Variants in NCKAP5 observed in about 807,000 individuals in gnomAD.
The protein encoded by NCKAP5 is NCK associated protein 5.
A neutral mutation model predicts 167.0 loss-of-function variants in NCKAP5; 92 were observed. That is an observed-to-expected ratio of 0.55 (90% confidence interval 0.47 to 0.66). The LOEUF is 0.66. Ranked by LOEUF, NCKAP5 falls within the 30% of genes least tolerant of loss-of-function variation. The probability of loss-of-function intolerance (pLI) is 0.00; values close to 1 mark genes in which losing one functional copy is unlikely to be tolerated. For synonymous variants in NCKAP5, 891 were observed against 877.4 expected, an observed-to-expected ratio of 1.02 and a Z score of -0.27; for missense variants, 2,378 against 2,315.0, an observed-to-expected ratio of 1.03 and a Z score of -0.56.
intron 4 of NCKAP5, among the ~76,000 whole-genome samples, chr2:133,233,424 C>T (rs1420878237): frequency 1.3e-5 from 2 of 152,084 alleles, no homozygotes; most frequent in Non-Finnish European, 2.9e-5. Flanking sequence ...TGCTGACATA[C>T]ATACATATTG....
At chr2:132,831,140 T>C (rs564058247) in intron 11 of NCKAP5, among the ~76,000 whole-genome samples, 14 of 152,340 alleles carry the variant, frequency 9.2e-5, no homozygotes, top group African/African-American at 2.6e-4. Flanking sequence ...TTTACTCACT[T>C]TTCCCACCGC....
chr2:133,603,816 C>T, the NCKAP5 span, among the ~76,000 whole-genome samples: 2 of 152,284 alleles, frequency 1.3e-5, no homozygotes, highest in South Asian at 2.1e-4. Flanking sequence ...GGATTACAGG[C>T]GTGAGCCACC....
chr2:133,225,348 C>T (rs569559621), intron 4 of NCKAP5, among the ~76,000 whole-genome samples: 4 of 152,176 alleles, frequency 2.6e-5, no homozygotes, highest in African/African-American at 4.8e-5. Flanking sequence ...TTAGTTTTCA[C>T]GACTTTCAAT....
intron 5 of NCKAP5, among the ~76,000 whole-genome samples, chr2:133,158,472 G>T (rs10199779): frequency 0.044 from 6,738 of 152,224 alleles, 192 homozygotes; most frequent in Non-Finnish European, 0.069. Flanking sequence ...CCATTGTGCT[G>T]CATTCATTCA....
chr2:132,837,722 A>ATT (rs1687995882), intron 11 of NCKAP5, among the ~76,000 whole-genome samples: 1 of 152,154 alleles, frequency 6.6e-6, no homozygotes, highest in Non-Finnish European at 1.5e-5. Flanking sequence ...TTAACACAGG[A>ATT]GAATGCATTT....
intron 5 of NCKAP5, among the ~76,000 whole-genome samples, chr2:133,132,113 C>A (rs1385681083): frequency 6.6e-6 from 1 of 151,908 alleles, no homozygotes; most frequent in African/African-American, 2.4e-5. Context: ...GATGGTGAAA[C>A]CCCGTCTCTA....
At chr2:132,865,981 T>A (rs1232655999) in intron 10 of NCKAP5, among the ~76,000 whole-genome samples, 1 of 152,178 alleles carries the variant, frequency 6.6e-6, no homozygotes, top group Non-Finnish European at 1.5e-5. Flanking sequence ...ACACGGATGG[T>A]TCAATTGCCC....
At chr2:133,092,975 T>C (rs1355345709) in intron 6 of NCKAP5, among the ~76,000 whole-genome samples, 2 of 152,232 alleles carry the variant, frequency 1.3e-5, no homozygotes, top group Non-Finnish European at 2.9e-5. Context: ...GTTTTTTGTT[T>C]GCTTTTGCAG....
intron 11 of NCKAP5, among the ~76,000 whole-genome samples, chr2:132,859,585 T>C (rs1689728776): frequency 1.3e-5 from 2 of 152,248 alleles, no homozygotes; most frequent in Admixed American, 6.5e-5. Flanking sequence ...CTAGTGGTTA[T>C]AGTGCTGGAC....
intron 3 of NCKAP5, among the ~76,000 whole-genome samples, chr2:133,345,525 G>C (rs1207718319): frequency 6.6e-6 from 1 of 152,140 alleles, no homozygotes; most frequent in Non-Finnish European, 1.5e-5. Flanking sequence ...AAGTAGAGTT[G>C]AAATATGCTG....
intron 3 of NCKAP5, among the ~76,000 whole-genome samples, chr2:133,334,522 C>A (rs998224908): frequency 1.3e-5 from 2 of 152,126 alleles, no homozygotes; most frequent in African/African-American, 4.8e-5. Context: ...TCATAGGTGG[C>A]CATTGGCAAA....
At chr2:133,265,759 C>G (rs527689834) in intron 4 of NCKAP5, among the ~76,000 whole-genome samples, 2 of 152,226 alleles carry the variant, frequency 1.3e-5, no homozygotes, top group Admixed American at 1.3e-4. Flanking sequence ...ACAGGCGCGC[C>G]CTGCTGGGGC....
chr2:133,172,542 G>A lies in NCKAP5; in HGVS notation c.207+41174C>T, dbSNP rs1422268679. On this transcript the variant is annotated intron_variant, in intron 5 of 19. Coordinates refer to ENST00000409261, the MANE Select transcript of NCKAP5 (RefSeq NM_207363.3). ...GCTGGAGTGCAAAGGCACGATCTTAGCTCACTGCAACCTCCGCCTCCCAAG... is the reference window on the plus strand; with the variant it reads ...GCTGGAGTGCAAAGGCACGATCTTAACTCACTGCAACCTCCGCCTCCCAAG... Among the ~76,000 whole-genome samples, 5 of 152,302 alleles carry A rather than the reference G, an allele frequency of 3.3e-5. No individual in the cohort carries two copies. The East Asian group carries it at 9.6e-4, about 29-fold the overall frequency.
rs138293167 is a variant in NCKAP5, at chr2:133,367,176, C to T, written c.70-64066G>A. Among the ~76,000 whole-genome samples the T allele has an allele frequency of 1.1e-3, 173 of 152,324 alleles. 1 individual carries two copies. Among genetic ancestry groups the T allele is most frequent in the African/African-American group, 3.9e-3 (163 of 41,572 alleles). On this transcript the variant is annotated intron_variant, in intron 3 of 19. Coordinates refer to ENST00000409261, the MANE Select transcript of NCKAP5 (RefSeq NM_207363.3). ...AACAAAACCCTTCCCAGCCGAGGAGCGGTGGCTTTCCCTGCCTGACCAGCA... is the reference window on the plus strand; with the variant it reads ...AACAAAACCCTTCCCAGCCGAGGAGTGGTGGCTTTCCCTGCCTGACCAGCA...
intron 2 of NCKAP5, among the ~76,000 whole-genome samples, chr2:133,522,329 A>G (rs954431615): frequency 3.3e-5 from 5 of 152,142 alleles, no homozygotes; most frequent in African/African-American, 1.2e-4. Context: ...AATTCCTTGC[A>G]TTAAATCCCT....
chr2:133,531,114 A>G (rs1404543282), intron 2 of NCKAP5, among the ~76,000 whole-genome samples: 1 of 152,006 alleles, frequency 6.6e-6, no homozygotes, highest in Non-Finnish European at 1.5e-5. Context: ...CCTTCAGTAA[A>G]GGATGTGAAG....
intron 7 of NCKAP5, among the ~76,000 whole-genome samples, chr2:132,970,555 C>T (rs546980746): frequency 1.3e-5 from 2 of 152,132 alleles, no homozygotes; most frequent in East Asian, 1.9e-4. Flanking sequence ...AGCTTGTTTA[C>T]CTCAACAAAT....
chr2:133,230,841 T>C (rs1311353751), intron 4 of NCKAP5, among the ~76,000 whole-genome samples: 1 of 152,226 alleles, frequency 6.6e-6, no homozygotes, highest in African/African-American at 2.4e-5. Context: ...TCTTTGTTTT[T>C]ACAGGTAAAG....
intron 3 of NCKAP5, among the ~76,000 whole-genome samples, chr2:133,342,287 A>AG (rs1166153346): frequency 6.6e-6 from 1 of 152,188 alleles, no homozygotes; most frequent in African/African-American, 2.4e-5. Flanking sequence ...TTGATGCAGT[A>AG]GGTCTGGGAT....
Sources: allele counts gnomAD v4.1 joint callset (sites outside exome capture counted in the v4.1 genomes callset), GRCh38; gene constraint gnomAD v4.1.1; transcripts MANE v1.5; gene names NCBI Gene and HGNC (gene_info 2026-07-23, HGNC 2026-07-21).